The following CTNND2 variants were observed in gnomAD, a reference collection of about 807,000 sequenced individuals.
CTNND2 encodes catenin delta-2.
CTNND2 carries 22 observed loss-of-function variants against 144.4 expected under a neutral mutation model. The observed-to-expected ratio is 0.15, with a 90% CI of 0.11 to 0.22. The LOEUF is 0.22. Ranked by LOEUF, CTNND2 falls within the 10% of genes least tolerant of loss-of-function variation. The probability of loss-of-function intolerance (pLI) is 1.00; values close to 1 mark genes in which losing one functional copy is unlikely to be tolerated. For synonymous variants in CTNND2, 751 were observed against 695.6 expected, an observed-to-expected ratio of 1.08 and a Z score of -1.25; for missense variants, 1,353 against 1,618.8, an observed-to-expected ratio of 0.84 and a Z score of 2.82.
At chr5:11,088,536 A>T (rs1750419845) in intron 15 of CTNND2, among the ~76,000 whole-genome samples, 1 of 152,126 alleles carries the variant, frequency 6.6e-6, no homozygotes, top group Non-Finnish European at 1.5e-5. Flanking sequence ...ATAGTGCCTC[A>T]TGGGTGGAAG....
intron 11 of CTNND2, among the ~76,000 whole-genome samples, chr5:11,190,149 A>G (rs61751810): frequency 6.5e-4 from 99 of 152,378 alleles, no homozygotes; most frequent in Non-Finnish European, 1.2e-3. Context: ...TCATTGATCC[A>G]TCAGAATTAA....
intron 16 of CTNND2, among the ~76,000 whole-genome samples, chr5:11,051,380 T>C (rs1745808512): frequency 6.6e-6 from 1 of 152,240 alleles, no homozygotes; most frequent in South Asian, 2.1e-4. Context: ...CCCTGGTTAA[T>C]TTTAGTAGCC....
intron 9 of CTNND2, among the ~76,000 whole-genome samples, chr5:11,276,532 C>T (rs571572229): frequency 6.6e-6 from 1 of 152,296 alleles, no homozygotes; most frequent in East Asian, 1.9e-4. Flanking sequence ...TTCACTCACT[C>T]CCATGGTATT....
In CTNND2 at chr5:11,903,887, G is replaced by C; in HGVS notation, c.-34C>G. 7.0e-7 allele frequency: 1 copy of C among 1,429,610 alleles called. No homozygotes were observed. The highest frequency in any genetic ancestry group is 9.1e-7 in the Non-Finnish European group (1 of 1,099,132). 88.6% of individuals were successfully genotyped at this position (1,429,610 alleles called of 1,614,324 possible). A position where few individuals can be genotyped will look rare whatever the true frequency, so the allele number is the denominator to read the frequency against. On this transcript the variant is annotated 5_prime_UTR_variant, in exon 1 of 22. Coordinates refer to ENST00000304623, the MANE Select transcript of CTNND2 (RefSeq NM_001332.4). This position sits in a 1 kb window ranked among gnomAD's most constrained non-coding sequence, Gnocchi z 5.4. ...CGCCGGCGACAGCTCCTCAGTCCGGGAAGAGGCGTGCGCGGCGCCGCCCGG... is the reference window on the plus strand; with the variant it reads ...CGCCGGCGACAGCTCCTCAGTCCGGCAAGAGGCGTGCGCGGCGCCGCCCGG...
intron 18 of CTNND2, among the ~76,000 whole-genome samples, chr5:11,017,553 G>GAT (rs1309039863): frequency 1.4e-5 from 2 of 139,026 alleles, no homozygotes; most frequent in Admixed American, 1.4e-4. Flanking sequence ...CATATATAAA[G>GAT]ATATATATAC....
intron 21 of CTNND2, among the ~76,000 whole-genome samples, chr5:10,974,554 C>T (rs918025818): frequency 6.6e-6 from 1 of 152,182 alleles, no homozygotes; most frequent in Non-Finnish European, 1.5e-5. Context: ...GGTCCCTTTT[C>T]AAGCACCTGC....
At chr5:11,191,315 TGC>T (rs1736219183) in intron 11 of CTNND2, among the ~76,000 whole-genome samples, 1 of 152,164 alleles carries the variant, frequency 6.6e-6, no homozygotes, top group Non-Finnish European at 1.5e-5. Context: ...GAGGAAAACC[TGC>T]TAACAAACCA....
chr5:11,575,594 C>A (rs1290939886), intron 2 of CTNND2, among the ~76,000 whole-genome samples: 1 of 152,148 alleles, frequency 6.6e-6, no homozygotes, highest in East Asian at 1.9e-4. Flanking sequence ...CTTTCTTACT[C>A]AATGCTCTTT....
chr5:11,238,057 G>A (rs1308571794), intron 9 of CTNND2, among the ~76,000 whole-genome samples: 3 of 152,050 alleles, frequency 2.0e-5, no homozygotes, highest in African/African-American at 7.2e-5. Flanking sequence ...GTCATCTTAA[G>A]CAATATGGTT....
intron 1 of CTNND2, among the ~76,000 whole-genome samples, chr5:11,746,340 T>C (rs1788316535): frequency 6.6e-6 from 1 of 152,186 alleles, no homozygotes; most frequent in African/African-American, 2.4e-5. Flanking sequence ...ATGGATGCAT[T>C]TCTTCCTCTC....
intron 3 of CTNND2, among the ~76,000 whole-genome samples, chr5:11,422,744 A>T (rs1762472433): frequency 1.3e-5 from 2 of 152,212 alleles, no homozygotes; most frequent in African/African-American, 4.8e-5. Flanking sequence ...TGTTCTGTCT[A>T]CATACAAGCC....
chr5:11,776,078 C>T (rs908549564), intron 1 of CTNND2, among the ~76,000 whole-genome samples: 2 of 152,144 alleles, frequency 1.3e-5, no homozygotes, highest in African/African-American at 4.8e-5. Context: ...CCTTCTGACA[C>T]TTGGGTTTAG....
intron 9 of CTNND2, among the ~76,000 whole-genome samples, chr5:11,316,598 G>A (rs540744738): frequency 1.3e-3 from 201 of 151,270 alleles, no homozygotes; most frequent in African/African-American, 4.5e-3. Context: ...CCATTAACTC[G>A]TCATTTAGCA....
In CTNND2 at chr5:11,624,665, T is replaced by G. The variant is rs1007526599; in HGVS notation, c.175-59609A>C. On this transcript the variant is annotated intron_variant, in intron 2 of 21. Coordinates refer to ENST00000304623, the MANE Select transcript of CTNND2 (RefSeq NM_001332.4). Reference sequence around the variant, plus strand: ...AACTTTTATCAAGAGTATCTTCTCTTAAAAGTGGCTTTTGTGATTTTGTTT... The same window carrying G: ...AACTTTTATCAAGAGTATCTTCTCTGAAAAGTGGCTTTTGTGATTTTGTTT... Among the ~76,000 whole-genome samples the G allele has an allele frequency of 2.6e-5, 4 of 152,230 alleles. No individual in the cohort carries two copies. In the South Asian group the frequency reaches 8.3e-4, roughly 32 times the overall value.
At chr5:11,289,300 T>C (rs554629440) in intron 9 of CTNND2, among the ~76,000 whole-genome samples, 1 of 152,210 alleles carries the variant, frequency 6.6e-6, no homozygotes, top group African/African-American at 2.4e-5. Flanking sequence ...TCAGATGCTC[T>C]TAAGCACTCC....
chr5:11,673,078 G>A (rs962970986), intron 2 of CTNND2, among the ~76,000 whole-genome samples: 1 of 152,074 alleles, frequency 6.6e-6, no homozygotes, highest in South Asian at 2.1e-4. Flanking sequence ...ACTTGTACAC[G>A]TAAGGCCAAA....
chr5:11,854,102 C>A (rs1795143352), intron 1 of CTNND2, among the ~76,000 whole-genome samples: 1 of 152,206 alleles, frequency 6.6e-6, no homozygotes, highest in Non-Finnish European at 1.5e-5. Context: ...GCCACACCGT[C>A]CTCCTTGTTG....
intron 2 of CTNND2, among the ~76,000 whole-genome samples, chr5:11,656,576 C>T (rs376473301): frequency 1.3e-5 from 2 of 152,066 alleles, no homozygotes. Context: ...CCAATGACCC[C>T]ACCACCCACC....
chr5:11,040,859 A>G (rs986251601), intron 16 of CTNND2, among the ~76,000 whole-genome samples: 18 of 152,226 alleles, frequency 1.2e-4, no homozygotes, highest in Non-Finnish European at 2.2e-4. Flanking sequence ...GAAAGGAATG[A>G]TGAAAATTTA....
Sources: gnomAD v4.1 joint callset for allele counts (sites outside exome capture counted in the v4.1 genomes callset) on GRCh38, gnomAD v4.1.1 for gene constraint, Gnocchi (gnomAD v3.1) non-coding constraint, MANE v1.5 for transcripts, NCBI Gene and HGNC (gene_info 2026-07-23, HGNC 2026-07-21) for gene names.